PKP2: variants seen among roughly 807,000 people sequenced by gnomAD.
PKP2 encodes the protein plakophilin-2.
PKP2 carries 73 observed loss-of-function variants against 83.4 expected under a neutral mutation model. The observed-to-expected ratio is 0.88, with a 90% CI of 0.72 to 1.06. PKP2 has a LOEUF of 1.06. PKP2 is among the 50% of genes least tolerant of loss of function. The pLI is 0.00. For missense variants in PKP2, 966 were observed against 1,065.4 expected, an observed-to-expected ratio of 0.91 and a Z score of 1.30; for synonymous variants, 409 against 430.4, an observed-to-expected ratio of 0.95 and a Z score of 0.62.
intron 10 of PKP2, 117 bp downstream of exon 10, chr12:32,802,286 T>A: frequency 9.6e-7 from 1 of 1,042,200 alleles, no homozygotes; most frequent in Non-Finnish European, 1.5e-6. Flanking sequence ...GTTTATCACC[T>A]ACTCCTTACT....
intron 1 of PKP2, among the ~76,000 whole-genome samples, chr12:32,887,130 C>G (rs1270939626): frequency 6.6e-6 from 1 of 152,140 alleles, no homozygotes; most frequent in East Asian, 1.9e-4. Context: ...GACCAGTTAG[C>G]TCACATAATC....
intron 9 of PKP2, among the ~76,000 whole-genome samples, chr12:32,814,133 C>T (rs984981921): frequency 3.9e-5 from 6 of 152,122 alleles, no homozygotes; most frequent in Admixed American, 2.0e-4. Flanking sequence ...TCCGTTTTCC[C>T]TCAAATGCAT....
intron 9 of PKP2, chr12:32,820,679 G>A (rs558937665): frequency 3.3e-5 from 5 of 153,076 alleles, no homozygotes; most frequent in Admixed American, 3.2e-4. Context: ...AGCCCATGTG[G>A]TACAAGTGGC....
At position 32,875,623 on chromosome 12, in the gene PKP2, G is replaced by A. The variant is rs908169086; in HGVS notation, c.1034+2223C>T. Among the ~76,000 whole-genome samples, 4 of 152,172 alleles carry A rather than the reference G, an allele frequency of 2.6e-5. No homozygotes were observed. The South Asian group carries it at 8.3e-4, about 32-fold the overall frequency. On this transcript the variant is annotated intron_variant, in intron 3 of 12. Coordinates refer to ENST00000340811, the MANE Select transcript of PKP2 (RefSeq NM_001005242.3). ...GATAATTCTGACAGTCCTAGAGAAC[G>A]GTTCTGACTGAGCAAGACCAGAGGC...
At chr12:32,821,016 C>G in intron 9 of PKP2, 1 of 309,952 alleles carries the variant, frequency 3.2e-6, no homozygotes, top group South Asian at 3.1e-5. Context: ...AGAAAGTCAA[C>G]TGTAATCACT....
At chr12:32,834,456 C>T (rs533597383) in intron 6 of PKP2, among the ~76,000 whole-genome samples, 2 of 152,156 alleles carry the variant, frequency 1.3e-5, no homozygotes, top group East Asian at 3.9e-4. Context: ...AATTTCTTCA[C>T]CTGAAGAATG....
At chr12:32,875,337 T>C (rs1956922648) in intron 3 of PKP2, among the ~76,000 whole-genome samples, 1 of 151,038 alleles carries the variant, frequency 6.6e-6, no homozygotes, top group African/African-American at 2.4e-5. Flanking sequence ...AGGTGTGGAG[T>C]GGGGGAAAAG....
At chr12:32,816,467 TTTTC>T (rs1219148968) in intron 9 of PKP2, among the ~76,000 whole-genome samples, 10 of 152,012 alleles carry the variant, frequency 6.6e-5, no homozygotes, top group African/African-American at 2.4e-4. Flanking sequence ...ATGTACCACA[TTTTC>T]TTTATCCAAT....
chr12:32,823,422 CAAAA>C (rs34680115), intron 7 of PKP2, among the ~76,000 whole-genome samples: 4 of 84,178 alleles, frequency 4.8e-5, no homozygotes, highest in Admixed American at 1.4e-4. Flanking sequence ...ACTCTGCCTC[CAAAA>C]AAAAAAAAAA....
chr12:32,877,916 C>T lies in PKP2; in HGVS notation c.964G>A (p.Gly322Ser), dbSNP rs200069860. ...SSGRRAHLTV[G>S]QAAAGGSGNL... is the part of the protein sequence containing the mutation. ...CCACTTCCCCCTGCGGCCGCCTGGC[C>T]GACAGTCAAGTGCGCTCTCCTCCCG... is the stretch of plus-strand genomic sequence containing the variant. Residue 322 changes from glycine (G) to serine (S), a missense_variant, in exon 3 of 13, where the codon GGC becomes AGC. Coordinates refer to ENST00000340811, the MANE Select transcript of PKP2 (RefSeq NM_001005242.3). 2.1e-5 allele frequency: 34 copies of T among 1,614,134 alleles called. No homozygotes were observed. In the East Asian group the frequency reaches 3.1e-4, roughly 15 times the overall value.
chr12:32,855,578 C>G (rs1956738134), intron 4 of PKP2, among the ~76,000 whole-genome samples: 1 of 151,922 alleles, frequency 6.6e-6, no homozygotes, highest in African/African-American at 2.4e-5. Context: ...AGTTCGAGAC[C>G]AGCCTGGCCA....
Position 32,821,487 on chromosome 12 carries a change from TG to T in PKP2, c.1881del (p.Lys628ArgfsTer12), listed in dbSNP as rs764817683. ...GAATGCCACAGCCACTCCACGCCCTTGGGGTTGCTCTTTTCCTCCGGCATCG... is the reference window on the plus strand; with the variant it reads ...GAATGCCACAGCCACTCCACGCCCTTGGGTTGCTCTTTTCCTCCGGCATCG... Reference protein sequence around the residue: ...DVPMPEEKSNPKGVEWLWHSI... With the variant: ...DVPMPEEKSNXKGVEWLWHSI... On this transcript the variant is annotated frameshift_variant, in exon 9 of 13. Coordinates refer to ENST00000340811, the MANE Select transcript of PKP2 (RefSeq NM_001005242.3). LOFTEE classifies it high-confidence loss of function. The T allele has an allele frequency of 3.1e-6, 5 of 1,613,944 alleles. No homozygotes were observed. Among genetic ancestry groups the T allele is most frequent in the Non-Finnish European group, 3.4e-6 (4 of 1,180,028 alleles).
chr12:32,818,104 T>C (rs187179324), intron 9 of PKP2, among the ~76,000 whole-genome samples: 3 of 152,210 alleles, frequency 2.0e-5, no homozygotes, highest in African/African-American at 4.8e-5. Context: ...GCCAAAAAGG[T>C]TGGGGGCCGC....
At chr12:32,804,992 A>C (rs1428126051) in intron 9 of PKP2, among the ~76,000 whole-genome samples, 2 of 152,178 alleles carry the variant, frequency 1.3e-5, no homozygotes, top group Non-Finnish European at 1.5e-5. Flanking sequence ...AATAATCACC[A>C]TTCTGACTGG....
At chr12:32,836,468 T>C (rs1198447559) in intron 6 of PKP2, among the ~76,000 whole-genome samples, 1 of 152,152 alleles carries the variant, frequency 6.6e-6, no homozygotes, top group Non-Finnish European at 1.5e-5. Flanking sequence ...AAGCAAACAT[T>C]TTATATGCAG....
intron 6 of PKP2, among the ~76,000 whole-genome samples, chr12:32,837,884 A>G (rs1234566904): frequency 6.6e-6 from 1 of 152,216 alleles, no homozygotes; most frequent in South Asian, 2.1e-4. Flanking sequence ...TCTGTCCTCC[A>G]TACTAGCTAA....
At position 32,802,649 on chromosome 12, in the gene PKP2, T is replaced by C. The variant is rs1956193484; in HGVS notation, c.2014-93A>G. On this transcript the variant is annotated intron_variant, in intron 9 of 12. Coordinates refer to ENST00000340811, the MANE Select transcript of PKP2 (RefSeq NM_001005242.3). ...AGATTACCAGAGGTTGATGAAGATG[T>C]TTTATTTTTATCTTATTTATTTATT... 4.7e-6 allele frequency: 5 copies of C among 1,068,416 alleles called. No individual in the cohort carries two copies. In the Admixed American group the frequency reaches 9.0e-5, roughly 19 times the overall value. The allele number at this position is 1,068,416 out of a possible 1,614,324, so 66.2% of individuals were successfully genotyped here.
intron 4 of PKP2, among the ~76,000 whole-genome samples, chr12:32,853,529 C>T (rs1238329590): frequency 1.5e-5 from 2 of 130,044 alleles, no homozygotes; most frequent in African/African-American, 6.2e-5. Flanking sequence ...TTTTTTGAGA[C>T]GGAGTCTCGC....
At chr12:32,846,995 A>G (rs1161440159) in intron 5 of PKP2, among the ~76,000 whole-genome samples, 1 of 152,096 alleles carries the variant, frequency 6.6e-6, no homozygotes, top group Non-Finnish European at 1.5e-5. Flanking sequence ...CACTGATCAT[A>G]TGTAAGTCAC....
Sources: allele counts gnomAD v4.1 joint callset (sites outside exome capture counted in the v4.1 genomes callset), GRCh38; gene constraint gnomAD v4.1.1; transcripts MANE v1.5; gene names NCBI Gene and HGNC (gene_info 2026-07-23, HGNC 2026-07-21).